Variants in GLG1 observed in about 807,000 individuals in gnomAD.
The protein encoded by GLG1 is golgi glycoprotein 1.
A neutral mutation model predicts 160.5 loss-of-function variants in GLG1; 38 were observed. The observed-to-expected ratio is 0.24, with a 90% CI of 0.18 to 0.31. The LOEUF is 0.31. Ranked by LOEUF, GLG1 falls within the 10% of genes least tolerant of loss-of-function variation. The probability of loss-of-function intolerance (pLI) is 1.00; values close to 1 mark genes in which losing one functional copy is unlikely to be tolerated. For missense variants in GLG1, 1,373 were observed against 1,505.2 expected (o/e 0.91, Z 1.45); for synonymous variants, 644 against 543.4 (o/e 1.19, Z -2.57).
chr16:74,574,939 A>T (rs1427091898), intron 1 of GLG1, among the ~76,000 whole-genome samples: 2 of 122,348 alleles, frequency 1.6e-5, no homozygotes, highest in African/African-American at 6.2e-5. Flanking sequence ...AGACAGGAGG[A>T]ATCCATATAA....
At chr16:74,470,126 T>C (rs2015143075) in intron 15 of GLG1, 53 bp from the exon 16 acceptor site, 2 of 1,083,460 alleles carry the variant, frequency 1.8e-6, no homozygotes, top group Non-Finnish European at 2.8e-6. Context: ...TTGTGGTCAG[T>C]AGTGGTAGGG....
At chr16:74,454,686 A>G (rs1315142599) in intron 25 of GLG1, among the ~76,000 whole-genome samples, 1 of 147,610 alleles carries the variant, frequency 6.8e-6, no homozygotes, top group Admixed American at 6.7e-5. Context: ...AAAAAAAAAA[A>G]AAAAAAAAAA....
intron 3 of GLG1, among the ~76,000 whole-genome samples, chr16:74,504,187 T>C (rs531583790): frequency 2.6e-5 from 4 of 152,154 alleles, no homozygotes; most frequent in Non-Finnish European, 4.4e-5. Context: ...TCCAGCTGCA[T>C]ACCCTAAGCC....
intron 1 of GLG1, among the ~76,000 whole-genome samples, chr16:74,566,713 T>A (rs1567527920): frequency 6.6e-6 from 1 of 152,186 alleles, no homozygotes; most frequent in South Asian, 2.1e-4. Flanking sequence ...TTCAAAAGTA[T>A]AATTTTAGTA....
intron 25 of GLG1, among the ~76,000 whole-genome samples, chr16:74,455,963 T>C (rs1038730904): frequency 6.6e-6 from 1 of 152,186 alleles, no homozygotes; most frequent in Non-Finnish European, 1.5e-5. Context: ...TGAACCTCTG[T>C]AGGAAAAATT....
intron 6 of GLG1, among the ~76,000 whole-genome samples, chr16:74,494,108 G>A (rs1256173927): frequency 6.6e-6 from 1 of 151,622 alleles, no homozygotes; most frequent in Non-Finnish European, 1.5e-5. Flanking sequence ...CCGGCAGGCA[G>A]AGGCTACAGT....
intron 4 of GLG1, among the ~76,000 whole-genome samples, chr16:74,501,508 T>G (rs2016402436): frequency 6.6e-6 from 1 of 152,228 alleles, no homozygotes; most frequent in Non-Finnish European, 1.5e-5. Flanking sequence ...TGCAATCGTT[T>G]CAGTCACTAC....
rs2017955939 is a variant in GLG1 at position 74,543,354 on chromosome 16, C to G, written c.439-11201G>C. Among the ~76,000 whole-genome samples the G allele has an allele frequency of 2.6e-5, 4 of 152,194 alleles. No individual in the cohort carries two copies. The South Asian group carries it at 8.3e-4, about 32-fold the overall frequency. On this transcript the variant is annotated intron_variant, in intron 1 of 25. Coordinates refer to ENST00000422840, the MANE Select transcript of GLG1 (RefSeq NM_001145667.2). Reference sequence around the variant, plus strand: ...CAGTGGCACATGCCTGCAGTCTCAGCTACTTGGGAGGCTGAGGTGGACAGC... The same window carrying G: ...CAGTGGCACATGCCTGCAGTCTCAGGTACTTGGGAGGCTGAGGTGGACAGC...
intron 1 of GLG1, among the ~76,000 whole-genome samples, chr16:74,535,579 T>C (rs566840112): frequency 9.7e-4 from 148 of 152,282 alleles, no homozygotes; most frequent in Admixed American, 1.8e-3. Context: ...ACTAAAGGTA[T>C]GTGCCATGAT....
chr16:74,478,198 A>G lies in GLG1; in HGVS notation c.1828-665T>C, dbSNP rs564958517. ...TTTGTTGTTTTGCTTAGCAAAACTA[A>G]TGTGTCAGTCTATGAACACCAGGTA... is the stretch of plus-strand genomic sequence containing the variant. On this transcript the variant is annotated intron_variant, in intron 11 of 25. Coordinates refer to ENST00000422840, the MANE Select transcript of GLG1 (RefSeq NM_001145667.2). Among the ~76,000 whole-genome samples the G allele has an allele frequency of 1.8e-3, 281 of 152,298 alleles. 1 individual carries two copies. The highest frequency in any genetic ancestry group is 6.5e-3 in the African/African-American group (272 of 41,566).
At chr16:74,580,882 C>G (rs1292944917) in intron 1 of GLG1, among the ~76,000 whole-genome samples, 1 of 152,162 alleles carries the variant, frequency 6.6e-6, no homozygotes, top group Non-Finnish European at 1.5e-5. Context: ...ACCAGCCTGA[C>G]CAACATGGTG....
intron 1 of GLG1, among the ~76,000 whole-genome samples, chr16:74,603,409 A>AAC (rs1491490239): frequency 2.3e-3 from 26 of 11,522 alleles, no homozygotes; most frequent in South Asian, 9.1e-3. Flanking sequence ...ACTCCGTCTC[A>AAC]AAAAAAAAAA....
At chr16:74,472,250 A>T in intron 14 of GLG1, 99 bp downstream of exon 14, 1 of 818,126 alleles carries the variant, frequency 1.2e-6, no homozygotes, top group Middle Eastern at 2.3e-4. Context: ...ACTCAAGAGT[A>T]ATACATGCTG....
chr16:74,567,266 T>C (rs2018682606), intron 1 of GLG1, among the ~76,000 whole-genome samples: 1 of 152,044 alleles, frequency 6.6e-6, no homozygotes, highest in Non-Finnish European at 1.5e-5. Context: ...TCTTTTGTTT[T>C]GTTGGTAGGA....
Position 74,606,849 on chromosome 16 carries a change from T to TTGCTGTTGC in GLG1, c.237_245dup (p.Gln82_Gln84dup), listed in dbSNP as rs1555522493. Reference sequence around the variant, plus strand: ...GCGGCTGCGGCGGCTGAGGCTGCTGTTGCTGTTGCTGCTGCTGCTGTTGCT... The same window carrying TTGCTGTTGC: ...GCGGCTGCGGCGGCTGAGGCTGCTGTTGCTGTTGCTGCTGTTGCTGCTGCTGCTGTTGCT... On this transcript the variant is annotated inframe_insertion, in exon 1 of 26. Coordinates refer to ENST00000422840, the MANE Select transcript of GLG1 (RefSeq NM_001145667.2). 6.3e-7 allele frequency: 1 copy of TTGCTGTTGC among 1,598,568 alleles called. No homozygotes were observed. Among genetic ancestry groups the TTGCTGTTGC allele is most frequent in the Non-Finnish European group, 8.5e-7 (1 of 1,173,474 alleles).
chr16:74,454,700 ATT>A (rs1184474871), intron 25 of GLG1, among the ~76,000 whole-genome samples: 2 of 76,166 alleles, frequency 2.6e-5, no homozygotes, highest in South Asian at 4.4e-4. Flanking sequence ...AAAAAAAAAA[ATT>A]TTTTTTTTTG....
chr16:74,562,238 A>C (rs2018532274), intron 1 of GLG1, among the ~76,000 whole-genome samples: 1 of 152,212 alleles, frequency 6.6e-6, no homozygotes, highest in Non-Finnish European at 1.5e-5. Flanking sequence ...AAGCTAACTG[A>C]ATTGACTGGT....
At chr16:74,462,420 A>G in intron 21 of GLG1, 68 bp downstream of exon 21, 1 of 1,463,614 alleles carries the variant, frequency 6.8e-7, no homozygotes, top group Non-Finnish European at 9.4e-7. Flanking sequence ...TAGGGATTTC[A>G]AAAGAGAAAA....
chr16:74,458,235 T>C (rs183877247), intron 23 of GLG1: 104 of 401,482 alleles, frequency 2.6e-4, no homozygotes, highest in African/African-American at 1.7e-3. Flanking sequence ...TGTAAGTGAC[T>C]GTAAGATCAG....
Sources: gnomAD v4.1 joint callset for allele counts (sites outside exome capture counted in the v4.1 genomes callset) on GRCh38, gnomAD v4.1.1 for gene constraint, MANE v1.5 for transcripts, NCBI Gene and HGNC (gene_info 2026-07-23, HGNC 2026-07-21) for gene names.